Variants in MAP6 observed in about 807,000 individuals in gnomAD.
MAP6 encodes microtubule-associated protein 6.
MAP6 carries 26 observed loss-of-function variants against 42.4 expected under a neutral mutation model. That is an observed-to-expected ratio of 0.61 (90% confidence interval 0.45 to 0.85). MAP6 has a LOEUF of 0.85. Ranked by LOEUF, MAP6 falls within the 40% of genes least tolerant of loss-of-function variation. The pLI, the probability that MAP6 is intolerant of heterozygous loss-of-function variation, is 0.00. For missense variants in MAP6, 966 were observed against 1,099.0 expected (o/e 0.88, Z 1.71); for synonymous variants, 418 against 443.8 (o/e 0.94, Z 0.73).
chr11:75,639,662 G>A (rs1413960295), intron 1 of MAP6, among the ~76,000 whole-genome samples: 1 of 152,232 alleles, frequency 6.6e-6, no homozygotes, highest in Non-Finnish European at 1.5e-5. Flanking sequence ...AGAATTGGAA[G>A]TGCATGATTT....
intron 3 of MAP6, among the ~76,000 whole-genome samples, chr11:75,589,015 C>T (rs1942426683): frequency 6.6e-6 from 1 of 152,098 alleles, no homozygotes; most frequent in South Asian, 2.1e-4. Context: ...CCTGTGATTG[C>T]ATGCACCACT....
rs1159229395 is a variant in MAP6 at position 75,592,294 on chromosome 11, C to G, written c.1317-4110G>C. Among the ~76,000 whole-genome samples the G allele has an allele frequency of 2.6e-5, 4 of 152,268 alleles. No homozygotes were observed. In the East Asian group the frequency reaches 7.7e-4, roughly 29 times the overall value. ...TATCCCCACTGCAGGCCAGGCTCCC[C>G]CTGCTAGACAGAGAGCTCCCTGAAG... On this transcript the variant is annotated intron_variant, in intron 3 of 3. Transcript: ENST00000304771.
chr11:75,625,166 T>A (rs1257723424), intron 1 of MAP6, among the ~76,000 whole-genome samples: 2 of 152,104 alleles, frequency 1.3e-5, no homozygotes, highest in Non-Finnish European at 2.9e-5. Flanking sequence ...CCTCCCAGCA[T>A]TCATAAGAAG....
intron 1 of MAP6, among the ~76,000 whole-genome samples, chr11:75,654,851 A>C (rs993766373): frequency 2.6e-5 from 4 of 152,200 alleles, no homozygotes; most frequent in Non-Finnish European, 4.4e-5. Context: ...ACAGACTTTA[A>C]GTTAAGATGC....
intron 1 of MAP6, among the ~76,000 whole-genome samples, chr11:75,618,246 A>T (rs536370645): frequency 6.6e-6 from 1 of 152,282 alleles, no homozygotes; most frequent in East Asian, 1.9e-4. Context: ...TACTGGGAAC[A>T]ACTCGATGTC....
intron 1 of MAP6, chr11:75,638,528 T>C (rs1590793179): frequency 6.6e-6 from 1 of 152,294 alleles, no homozygotes; most frequent in South Asian, 2.1e-4. Flanking sequence ...ACTCTATTAA[T>C]GTCACGCTCC....
Position 75,667,238 on chromosome 11 carries a change from A to T in MAP6, c.905+227T>A, listed in dbSNP as rs1350743062. 2.6e-5 allele frequency among the ~76,000 whole-genome samples: 4 copies of T among 152,174 alleles called. No homozygotes were observed. The highest frequency in any genetic ancestry group is 9.7e-5 in the African/African-American group (4 of 41,450). ...GAAAAGGGCTACAGCGGTAAAGTGA[A>T]AGAGCCAGGCAGGCTGAGATGGAAT... is the stretch of plus-strand genomic sequence containing the variant. On this transcript the variant is annotated intron_variant, in intron 1 of 3. Transcript: ENST00000304771. This position sits in a 1 kb window ranked among gnomAD's most constrained non-coding sequence, Gnocchi z 5.6.
chr11:75,612,298 G>T (rs764167744), intron 1 of MAP6, among the ~76,000 whole-genome samples: 11 of 152,156 alleles, frequency 7.2e-5, no homozygotes, highest in Non-Finnish European at 1.5e-4. Flanking sequence ...AATAGCCAAG[G>T]GCATGGAATG....
At chr11:75,653,986 A>G (rs1943695318) in intron 1 of MAP6, among the ~76,000 whole-genome samples, 1 of 152,244 alleles carries the variant, frequency 6.6e-6, no homozygotes, top group Non-Finnish European at 1.5e-5. Context: ...TTGTTCAATT[A>G]ATTCATATCT....
intron 1 of MAP6, among the ~76,000 whole-genome samples, chr11:75,640,071 A>C (rs1590794460): frequency 6.6e-6 from 1 of 151,672 alleles, no homozygotes. Flanking sequence ...GATACCCTCC[A>C]CTCCCAGACA....
At chr11:75,631,591 A>G (rs188834992) in intron 1 of MAP6, among the ~76,000 whole-genome samples, 3 of 152,302 alleles carry the variant, frequency 2.0e-5, no homozygotes, top group Admixed American at 2.0e-4. Context: ...GGAAACTCAA[A>G]CATGAAAAGG....
intron 3 of MAP6, among the ~76,000 whole-genome samples, chr11:75,595,792 A>T (rs1288352223): frequency 7.5e-6 from 1 of 133,398 alleles, no homozygotes; most frequent in African/African-American, 2.9e-5. Flanking sequence ...GCCTCTCTAG[A>T]CTGGGCACTT....
intron 1 of MAP6, among the ~76,000 whole-genome samples, chr11:75,609,221 GC>G (rs1942840917): frequency 6.6e-6 from 1 of 152,190 alleles, no homozygotes; most frequent in African/African-American, 2.4e-5. Context: ...AAAAAATGTA[GC>G]TGTTGACACA....
Position 75,668,188 on chromosome 11 carries a change from G to A in MAP6, c.182C>T (p.Ser61Leu), listed in dbSNP as rs1943998228. 8 of 1,240,280 alleles carry A rather than the reference G, an allele frequency of 6.5e-6. No individual in the cohort carries two copies. Among genetic ancestry groups the A allele is most frequent in the East Asian group, 6.8e-5 (2 of 29,442 alleles). The allele number at this position is 1,240,280 out of a possible 1,614,324, so 76.8% of individuals were successfully genotyped here. ...QQAQPALAPP[S>L]ARAVAIETQP... ...CGTCTCTATGGCAACCGCGCGCGCC[G>A]AGGGGGGCGCGAGCGCCGGCTGCGC... Residue 61 changes from serine (S) to leucine (L), a missense_variant, in exon 1 of 4, where the codon TCG becomes TTG. This residue lies in a region of MAP6 where 943 missense variants were observed against 1,049.9 expected (regional missense o/e 0.90). Transcript: ENST00000304771.
Position 75,667,517 on chromosome 11 carries a change from G to C in MAP6, c.853C>G (p.Leu285Val). Residue 285 changes from leucine (L) to valine (V), a missense_variant, in exon 1 of 4, where the codon CTC becomes GTC. Around this residue, in one of 2 missense-constraint regions of MAP6, gnomAD observed 943 missense variants for 1,049.9 expected, o/e 0.90. Coordinates refer to ENST00000304771, the MANE Select transcript of MAP6 (RefSeq NM_033063.2). The surrounding 1 kb of genome is among the most constrained non-coding windows in gnomAD (Gnocchi z 5.6). ...AGRGRAAADA[L>V]NRQIREEVAS... Reference sequence around the variant, plus strand: ...ACCTCCTCGCGGATTTGCCGGTTGAGGGCGTCCGCCGCGGCGCGCCCCCTG... The same window carrying C: ...ACCTCCTCGCGGATTTGCCGGTTGACGGCGTCCGCCGCGGCGCGCCCCCTG... The C allele has an allele frequency of 4.0e-6, 6 of 1,505,354 alleles. No homozygotes were observed. Among genetic ancestry groups the C allele is most frequent in the Non-Finnish European group, 5.3e-6 (6 of 1,136,348 alleles). The allele number at this position is 1,505,354 out of a possible 1,614,324, so 93.2% of individuals were successfully genotyped here. A position where few individuals can be genotyped will look rare whatever the true frequency, so the allele number is the denominator to read the frequency against.
chr11:75,665,317 G>A (rs929023386), intron 1 of MAP6, among the ~76,000 whole-genome samples: 2 of 152,188 alleles, frequency 1.3e-5, no homozygotes, highest in African/African-American at 2.4e-5. Context: ...TCTGGAGTGC[G>A]TTATATTCAA....
At position 75,668,558 on chromosome 11, in the gene MAP6, T is replaced by C. The variant is rs1944007067; in HGVS notation, c.-189A>G. 2.8e-6 allele frequency: 2 copies of C among 710,960 alleles called. No homozygotes were observed. The highest frequency in any genetic ancestry group is 1.9e-5 in the African/African-American group (1 of 53,808). 44.0% of individuals were successfully genotyped at this position (710,960 alleles called of 1,614,324 possible). On this transcript the variant is annotated 5_prime_UTR_variant, in exon 1 of 4. Transcript: ENST00000304771. ...GGGAGAGCTGTCCTAGGAGAGTCTG[T>C]AGAGTCCCTCGATTACCGGTCGCAA...
chr11:75,595,060 G>A (rs1432610506), intron 3 of MAP6, among the ~76,000 whole-genome samples: 1 of 152,218 alleles, frequency 6.6e-6, no homozygotes, highest in African/African-American at 2.4e-5. Context: ...AGGTGCCCAG[G>A]GCTGGAAGGA....
At chr11:75,625,020 A>G (rs567367317) in intron 1 of MAP6, among the ~76,000 whole-genome samples, 3 of 152,324 alleles carry the variant, frequency 2.0e-5, no homozygotes, top group Admixed American at 2.0e-4. Flanking sequence ...AAAGAAAACA[A>G]AAGTACACAC....
Sources: gnomAD v4.1 joint callset for allele counts (sites outside exome capture counted in the v4.1 genomes callset) on GRCh38, gnomAD v4.1.1 for gene constraint, gnomAD v4.1.1 regional missense constraint, Gnocchi (gnomAD v3.1) non-coding constraint, MANE v1.5 for transcripts, NCBI Gene and HGNC (gene_info 2026-07-23, HGNC 2026-07-21) for gene names.